MYO7A: variants seen among roughly 807,000 people sequenced by gnomAD.
The protein encoded by MYO7A is unconventional myosin-VIIa.
Under a neutral mutation model 263.8 loss-of-function variants are expected in MYO7A, and 210 were observed. The observed-to-expected ratio is 0.80, with a 90% CI of 0.71 to 0.89. MYO7A has a LOEUF of 0.89. Among genes scored for constraint, MYO7A ranks in the 40% least tolerant of loss-of-function variants. The pLI is 0.00. For synonymous variants in MYO7A, 1,239 were observed against 1,197.3 expected (o/e 1.03, Z -0.72); for missense variants, 2,820 against 2,968.3 (o/e 0.95, Z 1.16).
chr11:77,211,806 G>T lies in MYO7A; in HGVS notation c.6238-15G>T. The T allele has an allele frequency of 6.2e-7, 1 of 1,608,098 alleles. No individual in the cohort carries two copies. Among genetic ancestry groups the T allele is most frequent in the Non-Finnish European group, 8.5e-7 (1 of 1,174,888 alleles). On this transcript the variant is annotated splice_polypyrimidine_tract_variant and intron_variant, in intron 45 of 48. Coordinates refer to ENST00000409709, the MANE Select transcript of MYO7A (RefSeq NM_000260.4). ...CCCAGGACTGAGCCCAGCCCTGACC[G>T]CCCTGTCCCCATAGTCCATCGTCGC...
At position 77,205,756 on chromosome 11, in the gene MYO7A, G is replaced by A. The variant is rs55976706; in HGVS notation, c.5636+139G>A. On this transcript the variant is annotated intron_variant, in intron 40 of 48. Transcript: ENST00000409709. ...GGGGTACCTCAACTGCCAGCTAGAC[G>A]GAGGTGCGGATCCTGCAGCTGCTCA... 2,353 of 1,179,232 alleles carry A rather than the reference G, an allele frequency of 2.0e-3. 21 individuals carry two copies. In the Middle Eastern group the frequency reaches 0.022, roughly 11 times the overall value. 73.0% of individuals were successfully genotyped at this position (1,179,232 alleles called of 1,614,324 possible).
chr11:77,178,962 C>G (rs1555081973), intron 19 of MYO7A, 83 bp from the exon 20 acceptor site: 1 of 1,077,498 alleles, frequency 9.3e-7, no homozygotes, highest in East Asian at 2.6e-5. Context: ...AGCTGGGACT[C>G]AGCGTGCCCT....
intron 27 of MYO7A, among the ~76,000 whole-genome samples, chr11:77,185,822 T>C (rs1955606315): frequency 6.6e-6 from 1 of 152,206 alleles, no homozygotes; most frequent in Admixed American, 6.5e-5. Context: ...ATGTATTTCT[T>C]AAATAAGACT....
intron 20 of MYO7A, 96 bp downstream of exon 20, chr11:77,179,225 C>A: frequency 4.4e-6 from 5 of 1,146,108 alleles, no homozygotes; most frequent in Non-Finnish European, 6.2e-6. Flanking sequence ...GGCAGCACAG[C>A]CTGGCCTCGT....
intron 36 of MYO7A, 45 bp from the exon 37 acceptor site, chr11:77,202,255 C>T (rs761092319): frequency 2.4e-5 from 37 of 1,539,050 alleles, no homozygotes; most frequent in Middle Eastern, 1.7e-4. Flanking sequence ...TCCTGGTGGC[C>T]ACAGGTAGAG....
At chr11:77,182,360 G>T in intron 24 of MYO7A, 64 bp from the exon 25 acceptor site, 2 of 1,516,624 alleles carry the variant, frequency 1.3e-6, no homozygotes, top group South Asian at 1.3e-5. Flanking sequence ...CAAACCGCCA[G>T]GTCATTTTGA....
rs782777804 is a variant in MYO7A, at chr11:77,147,815, G to A, written c.150G>A (p.Pro50=). 7 of 1,610,252 alleles carry A rather than the reference G, an allele frequency of 4.3e-6. No individual in the cohort carries two copies. Among genetic ancestry groups the A allele is most frequent in the East Asian group, 2.2e-5 (1 of 44,824 alleles). Residue 50 remains proline, a synonymous_variant, in exon 4 of 49, where the codon CCG becomes CCA. Coordinates refer to ENST00000409709, the MANE Select transcript of MYO7A (RefSeq NM_000260.4). The part of the protein sequence containing the change: ...DDEDNEHWIS[P]QNATHIKPMH... ...CCCCGCAGGAACACTGGATCTCTCCGCAGAACGCAACGCACATCAAGCCTA... is the reference window on the plus strand; with the variant it reads ...CCCCGCAGGAACACTGGATCTCTCCACAGAACGCAACGCACATCAAGCCTA...
In MYO7A at chr11:77,202,322, A is replaced by C; in HGVS notation, c.5066A>C (p.Asp1689Ala). The C allele has an allele frequency of 1.3e-6, 2 of 1,586,264 alleles. No individual in the cohort carries two copies. The highest frequency in any genetic ancestry group is 2.3e-5 in the East Asian group (1 of 43,604). ...EIVALVTMTP[D>A]QRQDVVRLLQ... ...TAGGCCCTGGTCACCATGACTCCCG[A>C]TCAGAGGCAGGACGTTGTCCGGCTC... The change falls in exon 37 of 49, where the codon GAT (aspartate) becomes GCT (alanine). Residue 1689 changes from aspartate (D) to alanine (A), a missense_variant. Transcript: ENST00000409709.
Position 77,174,778 on chromosome 11 carries a change from T to C in MYO7A, c.1958T>C (p.Val653Ala), listed in dbSNP as rs34515627. 3 of 1,602,634 alleles carry C rather than the reference T, an allele frequency of 1.9e-6. No individual in the cohort carries two copies. Among genetic ancestry groups the C allele is most frequent in the African/African-American group, 1.3e-5 (1 of 74,724 alleles). The change falls in exon 17 of 49, where the codon GTG becomes GCG. Residue 653 changes from valine to alanine, a missense_variant. Val to Ala is a moderately conservative substitution (Grantham distance 64). Transcript: ENST00000409709. The stretch of plus-strand genomic sequence containing the variant: ...CAGCTGTTCGACCGGCACCTGTGCG[T>C]GCGCCAGCTGCGGTACTCAGGAATG... ...KPMLFDRHLCVRQLRYSGMME... is the reference protein window; with the variant it reads ...KPMLFDRHLCARQLRYSGMME...
intron 2 of MYO7A, chr11:77,139,505 TAC>T (rs1388266945): frequency 2.6e-5 from 4 of 151,738 alleles, no homozygotes; most frequent in Non-Finnish European, 1.5e-5. Context: ...AGGCGCCCCA[TAC>T]AGTGTGTAAA....
chr11:77,128,937 G>A (rs1166196596), intron 1 of MYO7A, among the ~76,000 whole-genome samples: 2 of 152,234 alleles, frequency 1.3e-5, no homozygotes, highest in Admixed American at 6.5e-5. Flanking sequence ...AGCCAGGGTT[G>A]TAGTGGGGAA....
chr11:77,192,977 G>GTGATGGTGTTGT (rs1555094036), intron 31 of MYO7A, among the ~76,000 whole-genome samples: 275 of 21,024 alleles, frequency 0.013, 50 homozygotes, highest in African/African-American at 0.1. Context: ...GGTGGAGGTA[G>GTGATGGTGTTGT]TTGTGATGGT....
Position 77,208,720 on chromosome 11 carries a change from C to T in MYO7A, c.5968C>T (p.Gln1990Ter), listed in dbSNP as rs773844428. ...KDGIVPSLTYQVFFMKKLWTT... is the reference protein window; with the variant it reads ...KDGIVPSLTY ...AGGAATTGTGCCCTCACTCACCTAC[C>T]AGGTGTTCTTCATGAAGAAGCTGTG... Residue 1990 changes from glutamine (Q) to a stop codon, truncating the protein, a stop_gained, in exon 44 of 49, where the codon CAG becomes TAG. Coordinates refer to ENST00000409709, the MANE Select transcript of MYO7A (RefSeq NM_000260.4). LOFTEE classifies it high-confidence loss of function. 34 of 1,586,834 alleles carry T rather than the reference C, an allele frequency of 2.1e-5. No homozygotes were observed. The highest frequency in any genetic ancestry group is 2.7e-5 in the Non-Finnish European group (32 of 1,166,340).
intron 27 of MYO7A, 119 bp downstream of exon 27, chr11:77,184,834 T>C: frequency 6.7e-7 from 1 of 1,495,834 alleles, no homozygotes; most frequent in Non-Finnish European, 9.1e-7. Context: ...CGCTGCTAGC[T>C]AGTTGGTGGA....
At position 77,175,384 on chromosome 11, in the gene MYO7A, G is replaced by A. The variant is rs572300575; in HGVS notation, c.2107G>A (p.Gly703Arg). 110 of 1,613,222 alleles carry A rather than the reference G, an allele frequency of 6.8e-5. 1 individual carries two copies. In the East Asian group the frequency reaches 1.3e-3, roughly 19 times the overall value. Residue 703 changes from glycine to arginine, a missense_variant, in exon 18 of 49, where the codon GGG becomes AGG. Gly to Arg is a moderately radical substitution (Grantham distance 125). Coordinates refer to ENST00000409709, the MANE Select transcript of MYO7A (RefSeq NM_000260.4). ...KPAYKQGDLRGTCQRMAEAVL... is the reference protein window; with the variant it reads ...KPAYKQGDLRRTCQRMAEAVL... Reference sequence around the variant, plus strand: ...ATCCTCACTCCAGGGCGACCTCCGCGGGACTTGCCAGCGCATGGCTGAGGC... The same window carrying A: ...ATCCTCACTCCAGGGCGACCTCCGCAGGACTTGCCAGCGCATGGCTGAGGC...
At position 77,214,883 on chromosome 11, in the gene MYO7A, A is replaced by G. The variant is rs1958055114; in HGVS notation, c.*187A>G. The G allele has an allele frequency of 1.7e-6, 1 of 572,336 alleles. No homozygotes were observed. Among genetic ancestry groups the G allele is most frequent in the Non-Finnish European group, 3.1e-6 (1 of 322,540 alleles). The allele number at this position is 572,336 out of a possible 1,614,324, so 35.5% of individuals were successfully genotyped here. A position where few individuals can be genotyped will look rare whatever the true frequency, so the allele number is the denominator to read the frequency against. ...CCAGTGAGGCATCTCTCTGGGATGC[A>G]GAACTTCCCTCCATCCACCCCTCTG... On this transcript the variant is annotated 3_prime_UTR_variant, in exon 49 of 49. Coordinates refer to ENST00000409709, the MANE Select transcript of MYO7A (RefSeq NM_000260.4).
intron 44 of MYO7A, chr11:77,209,084 C>T (rs750300871): frequency 2.5e-5 from 10 of 401,824 alleles, no homozygotes; most frequent in Admixed American, 7.8e-5. Context: ...CCTCTGACTT[C>T]GAGATTCTGC....
At chr11:77,204,742 C>T (rs1957322267) in intron 39 of MYO7A, among the ~76,000 whole-genome samples, 1 of 152,208 alleles carries the variant, frequency 6.6e-6, no homozygotes, top group African/African-American at 2.4e-5. Flanking sequence ...AAGCTCCACC[C>T]TCTCTCCTTA....
At chr11:77,149,391 G>C (rs1173891738) in intron 4 of MYO7A, among the ~76,000 whole-genome samples, 1 of 152,202 alleles carries the variant, frequency 6.6e-6, no homozygotes, top group Non-Finnish European at 1.5e-5. Flanking sequence ...GGTGAGGTTG[G>C]CTGGTAGAGA....
Sources: allele counts gnomAD v4.1 joint callset (sites outside exome capture counted in the v4.1 genomes callset), GRCh38; gene constraint gnomAD v4.1.1; transcripts MANE v1.5; gene names NCBI Gene and HGNC (gene_info 2026-07-23, HGNC 2026-07-21).